The following EP300 variants were observed in gnomAD, a reference collection of about 807,000 sequenced individuals.
EP300 encodes the protein histone acetyltransferase p300.
A neutral mutation model predicts 264.0 loss-of-function variants in EP300; 31 were observed. That is an observed-to-expected ratio of 0.12 (90% CI 0.09 to 0.16). The LOEUF (loss-of-function observed/expected upper bound fraction) is 0.16. EP300 is among the 10% of genes least tolerant of loss of function. EP300 has a pLI of 1.00. For missense variants in EP300, 2,766 were observed against 3,052.9 expected (o/e 0.91, Z 2.21); for synonymous variants, 1,340 against 1,045.4 (o/e 1.28, Z -5.44).
In EP300 at chr22:41,149,779, T is replaced by C. The variant is rs932158547; in HGVS notation, c.2398T>C (p.Ser800Pro). ...PVSQAQMSSS[S>P]CPVNSPIMPP... ...TTAACAGGCACAAATGTCTAGTTCTTCCTGCCCGGTGAACTCTCCTATAAT... is the reference window on the plus strand; with the variant it reads ...TTAACAGGCACAAATGTCTAGTTCTCCCTGCCCGGTGAACTCTCCTATAAT... Residue 800 changes from serine to proline, a missense_variant, in exon 14 of 31, where the codon TCC becomes CCC. By Grantham distance (74) the Ser-to-Pro change is moderately conservative (BLOSUM62 -1). Transcript: ENST00000263253. 26 of 1,614,056 alleles carry C rather than the reference T, an allele frequency of 1.6e-5. No individual in the cohort carries two copies. Among genetic ancestry groups the C allele is most frequent in the Non-Finnish European group, 2.1e-5 (25 of 1,180,020 alleles).
intron 1 of EP300, among the ~76,000 whole-genome samples, chr22:41,094,576 G>C (rs1333079519): frequency 6.6e-6 from 1 of 152,056 alleles, no homozygotes; most frequent in Non-Finnish European, 1.5e-5. Flanking sequence ...TTTTTTAGCT[G>C]GTTTTTTCCT....
chr22:41,157,484 G>T, intron 18 of EP300, 76 bp downstream of exon 18: 128 of 910,586 alleles, frequency 1.4e-4, no homozygotes, highest in Middle Eastern at 2.7e-4. Flanking sequence ...TGGGATAAGA[G>T]AATATCCTGC....
intron 28 of EP300, among the ~76,000 whole-genome samples, chr22:41,173,389 T>G (rs866491122): frequency 1.6e-4 from 25 of 152,230 alleles, no homozygotes; most frequent in Middle Eastern, 6.3e-3. Context: ...GCACATTCTG[T>G]GGCCTCTTCT....
intron 19 of EP300, chr22:41,160,419 C>CAAAAAAAAAAAAAAAAAAAAA: frequency 2.7e-6 from 1 of 377,084 alleles, no homozygotes; most frequent in Non-Finnish European, 4.8e-6. Flanking sequence ...GCTTTGATTG[C>CAAAAAAAAAAAAAAAAAAAAA]AAAAAAAAAA....
chr22:41,168,430 T>C lies in EP300; in HGVS notation c.3875-19T>C, dbSNP rs936335272. ...CAGTAAATTTGCACCTCAGTAACTTTTAACTTTTACATTCCTAGGGTTGCC... is the reference window on the plus strand; with the variant it reads ...CAGTAAATTTGCACCTCAGTAACTTCTAACTTTTACATTCCTAGGGTTGCC... On this transcript the variant is annotated intron_variant, in intron 23 of 30. Coordinates refer to ENST00000263253, the MANE Select transcript of EP300 (RefSeq NM_001429.4). The C allele has an allele frequency of 1.2e-6, 2 of 1,614,050 alleles. No homozygotes were observed. The highest frequency in any genetic ancestry group is 1.1e-5 in the South Asian group (1 of 91,078).
Position 41,149,812 on chromosome 22 carries a change from G to C in EP300, c.2431G>C (p.Gly811Arg). Residue 811 changes from glycine to arginine, a missense_variant, in exon 14 of 31, where the codon GGG becomes CGG. Coordinates refer to ENST00000263253, the MANE Select transcript of EP300 (RefSeq NM_001429.4). ...GGTGAACTCTCCTATAATGCCTCCA[G>C]GGTCTCAGGGGAGCCACATTCACTG... ...CPVNSPIMPP[G>R]SQGSHIHCPQ... 1 of 1,613,952 alleles carries C rather than the reference G, an allele frequency of 6.2e-7. No individual in the cohort carries two copies. Among genetic ancestry groups the C allele is most frequent in the Non-Finnish European group, 8.5e-7 (1 of 1,180,002 alleles).
intron 27 of EP300, among the ~76,000 whole-genome samples, chr22:41,170,996 G>T (rs2059167604): frequency 2.8e-5 from 4 of 140,558 alleles, no homozygotes; most frequent in Non-Finnish European, 1.5e-5. Flanking sequence ...AGTCTTGCTT[G>T]TTCTACCTCT....
At position 41,178,740 on chromosome 22, in the gene EP300, G is replaced by A. The variant is rs1231143479; in HGVS notation, c.7029G>A (p.Gln2343=). Residue 2343 remains glutamine, a synonymous_variant, in exon 31 of 31, where the codon CAG becomes CAA. Coordinates refer to ENST00000263253, the MANE Select transcript of EP300 (RefSeq NM_001429.4). ...PQPSPHHVSP[Q]TSSPHPGLVA... ...CTTCTCCACACCACGTTTCCCCACA[G>A]ACAAGTTCCCCACATCCTGGACTGG... 3 of 1,613,942 alleles carry A rather than the reference G, an allele frequency of 1.9e-6. No individual in the cohort carries two copies. The highest frequency in any genetic ancestry group is 2.5e-6 in the Non-Finnish European group (3 of 1,180,028).
chr22:41,167,600 A>ATATATGTG (rs2059144644), intron 23 of EP300, among the ~76,000 whole-genome samples: 1 of 19,180 alleles, frequency 5.2e-5, no homozygotes, highest in Non-Finnish European at 1.4e-4. Flanking sequence ...ATATATATAT[A>ATATATGTG]TATATATATA....
chr22:41,174,761 G>A (rs1312350489), intron 29 of EP300: 4 of 152,102 alleles, frequency 2.6e-5, no homozygotes, highest in Non-Finnish European at 5.9e-5. Context: ...TAATTAAGTT[G>A]AGAGGGAAAT....
At chr22:41,170,691 T>TCG (rs1221189027) in intron 27 of EP300, 120 bp downstream of exon 27, 1 of 1,103,344 alleles carries the variant, frequency 9.1e-7, no homozygotes, top group Admixed American at 2.5e-5. Context: ...AGACGGAGTC[T>TCG]CGCTCTGTCA....
chr22:41,110,711 C>G (rs2058785190), intron 1 of EP300, among the ~76,000 whole-genome samples: 1 of 151,110 alleles, frequency 6.6e-6, no homozygotes, highest in African/African-American at 2.4e-5. Context: ...CTGTCTTTTC[C>G]TTTTTATTTT....
intron 1 of EP300, among the ~76,000 whole-genome samples, chr22:41,101,155 G>T (rs12170320): frequency 0.018 from 2,776 of 152,130 alleles, 83 homozygotes; most frequent in African/African-American, 0.064. Context: ...GCTCACTGTA[G>T]CCTCCATCTC....
intron 29 of EP300, among the ~76,000 whole-genome samples, chr22:41,175,873 G>A (rs573319876): frequency 6.6e-6 from 1 of 152,322 alleles, no homozygotes; most frequent in Admixed American, 6.5e-5. Flanking sequence ...AGGTAAAGCA[G>A]GAAAAGGAAC....
intron 3 of EP300, 104 bp from the exon 4 acceptor site, chr22:41,127,383 G>C: frequency 6.7e-7 from 1 of 1,500,200 alleles, no homozygotes; most frequent in Admixed American, 1.7e-5. Flanking sequence ...CTGGCTTATA[G>C]TAGACTAACC....
At chr22:41,112,234 G>T (rs2058796267) in intron 1 of EP300, among the ~76,000 whole-genome samples, 1 of 150,662 alleles carries the variant, frequency 6.6e-6, no homozygotes, top group African/African-American at 2.5e-5. Flanking sequence ...CTGTCACCCA[G>T]CCTGGAGTGC....
intron 20 of EP300, among the ~76,000 whole-genome samples, chr22:41,162,409 G>A (rs548701775): frequency 3.9e-4 from 60 of 152,280 alleles, no homozygotes; most frequent in Non-Finnish European, 7.8e-4. Context: ...TGGGTTTCAG[G>A]ATGGGAAGCC....
At position 41,178,141 on chromosome 22, in the gene EP300, G is replaced by A; in HGVS notation, c.6430G>A (p.Gly2144Ser). The change falls in exon 31 of 31, where the codon GGC (glycine) becomes AGC (serine). Residue 2144 changes from glycine (G) to serine (S), a missense_variant. Physicochemically the swap from Gly to Ser is moderately conservative, Grantham distance 56. Transcript: ENST00000263253. ...NPMQAGVQRA[G>S]LPQQQPQQQL... Reference sequence around the variant, plus strand: ...AATGCAGGCGGGCGTTCAGAGGGCTGGCCTGCCCCAGCAGCAACCACAGCA... The same window carrying A: ...AATGCAGGCGGGCGTTCAGAGGGCTAGCCTGCCCCAGCAGCAACCACAGCA... The A allele has an allele frequency of 1.2e-6, 2 of 1,614,126 alleles. No individual in the cohort carries two copies. The highest frequency in any genetic ancestry group is 1.7e-6 in the Non-Finnish European group (2 of 1,180,022).
At chr22:41,107,068 G>A (rs987781957) in intron 1 of EP300, among the ~76,000 whole-genome samples, 1 of 151,726 alleles carries the variant, frequency 6.6e-6, no homozygotes, top group Non-Finnish European at 1.5e-5. Flanking sequence ...CATCACCCCC[G>A]GCTCATTTTT....
Sources: allele counts gnomAD v4.1 joint callset (sites outside exome capture counted in the v4.1 genomes callset), GRCh38; gene constraint gnomAD v4.1.1; transcripts MANE v1.5; gene names NCBI Gene and HGNC (gene_info 2026-07-23, HGNC 2026-07-21).